The following CRLS1 variants were observed in gnomAD, a reference collection of about 807,000 sequenced individuals.
The protein encoded by CRLS1 is cardiolipin synthase 1.
A neutral mutation model predicts 37.0 loss-of-function variants in CRLS1; 24 were observed. That is an observed-to-expected ratio of 0.65 (90% CI 0.47 to 0.91). The LOEUF (loss-of-function observed/expected upper bound fraction) is 0.91, where lower values mean the gene tolerates loss of function less well. CRLS1 is among the 40% of genes least tolerant of loss of function. The pLI is 0.00. For missense variants in CRLS1, 373 were observed against 395.8 expected (o/e 0.94, Z 0.49); for synonymous variants, 135 against 159.7 (o/e 0.85, Z 1.17).
At position 6,009,776 on chromosome 20, in the gene CRLS1, A is replaced by T; in HGVS notation, c.308A>T (p.Tyr103Phe). 6.2e-7 allele frequency: 1 copy of T among 1,608,652 alleles called. No homozygotes were observed. Among genetic ancestry groups the T allele is most frequent in the South Asian group, 1.1e-5 (1 of 90,130 alleles). ...AATTTTGTTGTCTTTGTGTTTCAGT[A>T]TGAAAACCCATGGACAATCCCGAAT... ...QWGPASTPSL[Y>F]ENPWTIPNML... The change falls in exon 2 of 7, where the codon TAT (tyrosine) becomes TTT (phenylalanine). Residue 103 changes from tyrosine to phenylalanine, a missense_variant and splice_region_variant. Tyr to Phe is a conservative substitution (Grantham distance 22). Coordinates refer to ENST00000378863, the MANE Select transcript of CRLS1 (RefSeq NM_019095.6).
chr20:6,022,335 C>CTTTTT (rs34621758), intron 3 of CRLS1, among the ~76,000 whole-genome samples: 16 of 94,682 alleles, frequency 1.7e-4, no homozygotes, highest in African/African-American at 4.2e-4. Flanking sequence ...TAATCCATTG[C>CTTTTT]TTTTTTTTTT....
intron 3 of CRLS1, among the ~76,000 whole-genome samples, chr20:6,030,021 T>C (rs999687888): frequency 6.6e-6 from 1 of 152,222 alleles, no homozygotes; most frequent in East Asian, 1.9e-4. Flanking sequence ...AAAGATTTGT[T>C]TGAAAGTATT....
chr20:6,012,746 T>A (rs1464875325), intron 2 of CRLS1, among the ~76,000 whole-genome samples: 1 of 152,172 alleles, frequency 6.6e-6, no homozygotes, highest in Non-Finnish European at 1.5e-5. Flanking sequence ...TATAGATGGT[T>A]GGATCTGGGT....
chr20:6,036,384 C>T lies in CRLS1; in HGVS notation c.822-690C>T, dbSNP rs557467657. 2.0e-5 allele frequency among the ~76,000 whole-genome samples: 3 copies of T among 152,274 alleles called. No homozygotes were observed. The South Asian group carries it at 6.2e-4, about 32-fold the overall frequency. ...GCCTCACCTAATAAAAGCAGAAGTG[C>T]GTGGGCGCACTAAAAAGTAATCTAG... On this transcript the variant is annotated intron_variant, in intron 6 of 6. Coordinates refer to ENST00000378863, the MANE Select transcript of CRLS1 (RefSeq NM_019095.6).
intron 3 of CRLS1, among the ~76,000 whole-genome samples, chr20:6,023,638 G>GGT (rs1555794229): frequency 6.9e-6 from 1 of 144,924 alleles, no homozygotes; most frequent in African/African-American, 2.6e-5. Context: ...AAAAATCTTT[G>GGT]TTTTTTTTTT....
At chr20:6,018,494 G>A (rs1428139918) in intron 3 of CRLS1, among the ~76,000 whole-genome samples, 2 of 152,164 alleles carry the variant, frequency 1.3e-5, no homozygotes, top group African/African-American at 4.8e-5. Context: ...TGGTGTCAAT[G>A]TCTTATTCCC....
intron 2 of CRLS1, among the ~76,000 whole-genome samples, chr20:6,011,708 C>G (rs1177225333): frequency 6.7e-6 from 1 of 149,460 alleles, no homozygotes; most frequent in Non-Finnish European, 1.5e-5. Context: ...GCCTCAGCCT[C>G]CTGGGTAGCT....
chr20:6,031,271 T>C lies in CRLS1; in HGVS notation c.575-14T>C, dbSNP rs1281818041. 6.4e-7 allele frequency: 1 copy of C among 1,566,412 alleles called. No individual in the cohort carries two copies. The stretch of plus-strand genomic sequence containing the variant: ...CAGAATCCCAGTTAAAATTATTTTA[T>C]GTTTGATTTTCAGTTCCACTTACTT... On this transcript the variant is annotated splice_polypyrimidine_tract_variant and intron_variant, in intron 3 of 6. Transcript: ENST00000378863.
intron 3 of CRLS1, chr20:6,026,339 GTGTATATA>G (rs1035302963): frequency 1.1e-4 from 16 of 139,162 alleles, no homozygotes; most frequent in African/African-American, 4.2e-4. Flanking sequence ...GTGTGTGTGT[GTGTATATA>G]TATATATTTA....
Position 6,009,715 on chromosome 20 carries a change from A to C in CRLS1, c.307-60A>C, listed in dbSNP as rs931914236. 9 of 1,413,326 alleles carry C rather than the reference A, an allele frequency of 6.4e-6. No homozygotes were observed. In the Admixed American group the frequency reaches 7.5e-5, roughly 12 times the overall value. 87.5% of individuals were successfully genotyped at this position (1,413,326 alleles called of 1,614,324 possible). On this transcript the variant is annotated intron_variant, in intron 1 of 6. Coordinates refer to ENST00000378863, the MANE Select transcript of CRLS1 (RefSeq NM_019095.6). Reference sequence around the variant, plus strand: ...GTATATTTTTCTAATGTATGTATATAGTTATTCAAAGTATGAATTCATAGT... The same window carrying C: ...GTATATTTTTCTAATGTATGTATATCGTTATTCAAAGTATGAATTCATAGT...
rs764262629 is a variant in CRLS1, at chr20:6,009,926, G to A, written c.444+14G>A. The A allele has an allele frequency of 6.2e-7, 1 of 1,611,424 alleles. No individual in the cohort carries two copies. Among genetic ancestry groups the A allele is most frequent in the South Asian group, 1.1e-5 (1 of 90,714 alleles). On this transcript the variant is annotated intron_variant, in intron 2 of 6. Coordinates refer to ENST00000378863, the MANE Select transcript of CRLS1 (RefSeq NM_019095.6). Reference sequence around the variant, plus strand: ...CTAACAGATTTGGTAAGTTGTAAATGCACTCCCAGTTTGCTCTCCTTCCAA... The same window carrying A: ...CTAACAGATTTGGTAAGTTGTAAATACACTCCCAGTTTGCTCTCCTTCCAA...
Position 6,038,002 on chromosome 20 carries a change from C to G in CRLS1, c.*844C>G, listed in dbSNP as rs963723031. On this transcript the variant is annotated 3_prime_UTR_variant, in exon 7 of 7. Coordinates refer to ENST00000378863, the MANE Select transcript of CRLS1 (RefSeq NM_019095.6). ...GTTTTTTAAACTTTGGAGACTCTTT[C>G]TTTTGTTAAGCAGTTAAAGGAATAA... 4 of 152,086 alleles carry G rather than the reference C, an allele frequency of 2.6e-5. No individual in the cohort carries two copies. The highest frequency in any genetic ancestry group is 9.7e-5 in the African/African-American group (4 of 41,412). The allele number at this position is 152,086 out of a possible 1,614,324, so 9.4% of individuals were successfully genotyped here. A position where few individuals can be genotyped will look rare whatever the true frequency, so the allele number is the denominator to read the frequency against.
At chr20:6,018,346 A>G (rs2122958179) in intron 3 of CRLS1, among the ~76,000 whole-genome samples, 1 of 152,250 alleles carries the variant, frequency 6.6e-6, no homozygotes, top group African/African-American at 2.4e-5. Flanking sequence ...TATACATATA[A>G]ATTTGCTTGG....
chr20:6,010,016 C>T (rs1158834304), intron 2 of CRLS1, 104 bp downstream of exon 2: 18 of 1,128,970 alleles, frequency 1.6e-5, no homozygotes, highest in Admixed American at 2.8e-5. Context: ...GGGAGGAAAA[C>T]CTCAAGATGA....
At chr20:6,009,684 G>A in intron 1 of CRLS1, 91 bp from the exon 2 acceptor site, 5 of 983,768 alleles carry the variant, frequency 5.1e-6, no homozygotes, top group Non-Finnish European at 5.7e-6. Flanking sequence ...GACTGAAGTT[G>A]ATGAAGTATA....
chr20:6,011,975 A>G lies in CRLS1; in HGVS notation c.444+2063A>G, dbSNP rs867905319. Among the ~76,000 whole-genome samples the G allele has an allele frequency of 1.0e-3, 154 of 151,454 alleles. No homozygotes were observed. In the Middle Eastern group the frequency reaches 0.014, roughly 13 times the overall value. ...ATTATACTGATAACAGTTTTTTTTT[A>G]ACATAACAGACAAGATCTTTTTCAG... On this transcript the variant is annotated intron_variant, in intron 2 of 6. Transcript: ENST00000378863.
At chr20:6,013,826 G>A (rs894341547) in intron 2 of CRLS1, among the ~76,000 whole-genome samples, 1 of 152,150 alleles carries the variant, frequency 6.6e-6, no homozygotes, top group African/African-American at 2.4e-5. Context: ...AGTACATGGA[G>A]AGTTGCTTTT....
At chr20:6,010,077 AT>A (rs774859049) in intron 2 of CRLS1, among the ~76,000 whole-genome samples, 165 bp downstream of exon 2, 26 of 81,630 alleles carry the variant, frequency 3.2e-4, no homozygotes, top group Non-Finnish European at 4.2e-4. Context: ...TCTATATGGG[AT>A]TTTTTTTTTT....
chr20:6,030,113 G>A (rs962997169), intron 3 of CRLS1, among the ~76,000 whole-genome samples: 1 of 150,226 alleles, frequency 6.7e-6, no homozygotes, highest in Non-Finnish European at 1.5e-5. Flanking sequence ...CCGAGTGTTT[G>A]AACTCAGGCT....
Sources: allele counts gnomAD v4.1 joint callset (sites outside exome capture counted in the v4.1 genomes callset), GRCh38; gene constraint gnomAD v4.1.1; transcripts MANE v1.5; gene names NCBI Gene and HGNC (gene_info 2026-07-23, HGNC 2026-07-21).